KAZN: variants seen among roughly 807,000 people sequenced by gnomAD.
KAZN encodes kazrin.
In KAZN, 40 loss-of-function variants were observed where a neutral mutation model predicts 87.4. That is an observed-to-expected ratio of 0.46 (90% CI 0.36 to 0.60). The LOEUF (loss-of-function observed/expected upper bound fraction) is 0.60, where lower values mean the gene tolerates loss of function less well. KAZN is among the 20% of genes least tolerant of loss of function. The pLI is 0.00. For synonymous variants in KAZN, 466 were observed against 458.3 expected (o/e 1.02, Z -0.22); for missense variants, 898 against 1,073.9 (o/e 0.84, Z 2.29).
intron 1 of KAZN, among the ~76,000 whole-genome samples, chr1:14,173,042 A>C (rs1190615738): frequency 6.6e-6 from 1 of 152,126 alleles, no homozygotes; most frequent in Non-Finnish European, 1.5e-5. Context: ...ATCCCAGGGC[A>C]CCACTTCTGC....
chr1:14,161,679 C>A (rs1023817529), intron 1 of KAZN, among the ~76,000 whole-genome samples: 1 of 152,080 alleles, frequency 6.6e-6, no homozygotes, highest in Non-Finnish European at 1.5e-5. Flanking sequence ...GTGTGAATAC[C>A]AGGAGGTGAG....
intron 1 of KAZN, among the ~76,000 whole-genome samples, chr1:14,023,027 C>T (rs1640918734): frequency 6.6e-6 from 1 of 152,160 alleles, no homozygotes; most frequent in Admixed American, 6.5e-5. Context: ...GTCAACAGTA[C>T]TCATTGGCTG....
intron 1 of KAZN, among the ~76,000 whole-genome samples, chr1:14,623,256 A>G (rs1022554149): frequency 6.6e-6 from 1 of 152,226 alleles, no homozygotes; most frequent in Non-Finnish European, 1.5e-5. Flanking sequence ...AGGAAAATGT[A>G]GTACATGCAC....
intron 1 of KAZN, among the ~76,000 whole-genome samples, chr1:14,632,105 G>T (rs558561493): frequency 2.0e-5 from 3 of 152,180 alleles, no homozygotes; most frequent in Non-Finnish European, 4.4e-5. Flanking sequence ...CAGGTTTCTG[G>T]GGGGCTTTGC....
chr1:14,937,181 G>A (rs779185570), intron 1 of KAZN, among the ~76,000 whole-genome samples: 4 of 152,196 alleles, frequency 2.6e-5, no homozygotes, highest in Non-Finnish European at 4.4e-5. Context: ...GAGTGGCGCT[G>A]CAGAAGGTGA....
At chr1:14,164,331 G>A (rs1287085115) in intron 1 of KAZN, among the ~76,000 whole-genome samples, 1 of 152,074 alleles carries the variant, frequency 6.6e-6, no homozygotes, top group Non-Finnish European at 1.5e-5. Flanking sequence ...CACATGGCTG[G>A]TGGGTTCATG....
intron 2 of KAZN, among the ~76,000 whole-genome samples, chr1:14,481,746 A>G (rs1476734790): frequency 6.6e-6 from 1 of 152,052 alleles, no homozygotes; most frequent in Non-Finnish European, 1.5e-5. Context: ...AGAAACCGAG[A>G]GAGAGATTGT....
At chr1:14,000,790 T>G (rs1639751193) in intron 1 of KAZN, among the ~76,000 whole-genome samples, 1 of 151,616 alleles carries the variant, frequency 6.6e-6, no homozygotes, top group Non-Finnish European at 1.5e-5. Flanking sequence ...TGATTTTTTT[T>G]GTTTGTTTTT....
intron 13 of KAZN, chr1:15,112,192 C>T: frequency 1.8e-6 from 1 of 559,870 alleles, no homozygotes; most frequent in Non-Finnish European, 3.2e-6. Context: ...TGTCTCTGGC[C>T]TCCTTTCCCT....
intron 1 of KAZN, among the ~76,000 whole-genome samples, chr1:14,171,268 G>T (rs1392012966): frequency 6.6e-6 from 1 of 152,172 alleles, no homozygotes; most frequent in Non-Finnish European, 1.5e-5. Flanking sequence ...GTGAGTGTTT[G>T]CTAGAACACT....
At chr1:14,678,636 C>T (rs1478720678) in intron 1 of KAZN, among the ~76,000 whole-genome samples, 1 of 152,200 alleles carries the variant, frequency 6.6e-6, no homozygotes. Flanking sequence ...TTAGCTCCAG[C>T]TCCCATGGGC....
chr1:14,231,048 A>G (rs1017978582), intron 2 of KAZN, among the ~76,000 whole-genome samples: 4 of 152,172 alleles, frequency 2.6e-5, no homozygotes, highest in African/African-American at 7.2e-5. Flanking sequence ...AAGTATTAGC[A>G]TGGTGCCTAC....
chr1:14,764,532 C>A (rs934042556), intron 1 of KAZN, among the ~76,000 whole-genome samples: 1 of 151,982 alleles, frequency 6.6e-6, no homozygotes, highest in Non-Finnish European at 1.5e-5. Flanking sequence ...TTTAACAAGT[C>A]TTTTCTCACA....
chr1:14,869,256 A>G (rs914656007), intron 1 of KAZN, among the ~76,000 whole-genome samples: 8 of 127,820 alleles, frequency 6.3e-5, no homozygotes, highest in African/African-American at 2.2e-4. Context: ...AAGCTCTTCC[A>G]GGTTCTGAGG....
chr1:14,830,662 A>G (rs1037587229), intron 1 of KAZN, among the ~76,000 whole-genome samples: 1 of 152,174 alleles, frequency 6.6e-6, no homozygotes, highest in African/African-American at 2.4e-5. Flanking sequence ...AGAGAGAGAA[A>G]GAGAGTGAAG....
intron 1 of KAZN, among the ~76,000 whole-genome samples, chr1:13,899,996 G>A (rs776442694): frequency 6.6e-5 from 10 of 152,038 alleles, no homozygotes; most frequent in African/African-American, 2.2e-4. Flanking sequence ...AGATATTGAC[G>A]CATCTGTTTT....
At chr1:14,766,366 T>A (rs1418435370) in intron 1 of KAZN, among the ~76,000 whole-genome samples, 1 of 151,728 alleles carries the variant, frequency 6.6e-6, no homozygotes, top group Non-Finnish European at 1.5e-5. Flanking sequence ...CCCCAAGCAC[T>A]CACTGAGCTG....
chr1:14,198,037 T>C (rs2100393109), intron 2 of KAZN, among the ~76,000 whole-genome samples: 1 of 149,928 alleles, frequency 6.7e-6, no homozygotes, highest in Admixed American at 6.7e-5. Flanking sequence ...AGAGTAGTAG[T>C]AGTAGTTGTT....
At chr1:14,610,266 G>A (rs1222846418) in intron 1 of KAZN, among the ~76,000 whole-genome samples, 1 of 152,168 alleles carries the variant, frequency 6.6e-6, no homozygotes. Flanking sequence ...GGAGTGCAGT[G>A]GCACAATCTC....
Sources: allele counts gnomAD v4.1 joint callset (sites outside exome capture counted in the v4.1 genomes callset), GRCh38; gene constraint gnomAD v4.1.1; transcripts MANE v1.5; gene names NCBI Gene and HGNC (gene_info 2026-07-23, HGNC 2026-07-21).